Variants in WASF3 observed in about 807,000 individuals in gnomAD.
WASF3 encodes WASP family member 3, also known as actin-binding protein WASF3.
A neutral mutation model predicts 46.6 loss-of-function variants in WASF3; 11 were observed. That is an observed-to-expected ratio of 0.24 (90% CI 0.15 to 0.39). The LOEUF (loss-of-function observed/expected upper bound fraction) is 0.39. Ranked by LOEUF, WASF3 falls within the 10% of genes least tolerant of loss-of-function variation. WASF3 has a pLI of 1.00. For synonymous variants in WASF3, 242 were observed against 259.7 expected (o/e 0.93, Z 0.65); for missense variants, 576 against 669.8 (o/e 0.86, Z 1.55).
intron 1 of WASF3, among the ~76,000 whole-genome samples, chr13:26,607,753 A>T (rs746199509): frequency 6.6e-6 from 1 of 151,928 alleles, no homozygotes; most frequent in Non-Finnish European, 1.5e-5. Flanking sequence ...CTCCTGCTTC[A>T]GCCTTCTGAG....
the WASF3 span, among the ~76,000 whole-genome samples, chr13:26,540,890 C>G: frequency 2.6e-5 from 4 of 152,080 alleles, no homozygotes; most frequent in African/African-American, 4.8e-5. Context: ...TGTGTTGGTG[C>G]TAAGTGGAAA....
intron 1 of WASF3, among the ~76,000 whole-genome samples, chr13:26,596,655 C>T (rs9512280): frequency 0.026 from 3,963 of 152,160 alleles, 57 homozygotes; most frequent in African/African-American, 0.039. Flanking sequence ...TAATGAGCTT[C>T]TTCGATCTGT....
At chr13:26,541,951 G>T in the WASF3 span, among the ~76,000 whole-genome samples, 4 of 152,054 alleles carry the variant, frequency 2.6e-5, no homozygotes, top group African/African-American at 4.8e-5. Flanking sequence ...CCAGGTGTTG[G>T]TGTACCTGTT....
At chr13:26,611,031 CTTTTTTT>C (rs71080282) in intron 1 of WASF3, among the ~76,000 whole-genome samples, 8 of 110,578 alleles carry the variant, frequency 7.2e-5, no homozygotes, top group Admixed American at 1.1e-4. Flanking sequence ...TTACTTACTC[CTTTTTTT>C]TTTTTTTTTT....
rs1029551801 is a variant in WASF3 at position 26,670,844 on chromosome 13, T to G, written c.423-1028T>G. ...TGATTTTCAGACATAGCGACTAGAA[T>G]AGCCCCATAGGCACCCAGGCCTTTG... On this transcript the variant is annotated intron_variant, in intron 5 of 9. Coordinates refer to ENST00000335327, the MANE Select transcript of WASF3 (RefSeq NM_006646.6). 2.0e-5 allele frequency among the ~76,000 whole-genome samples: 3 copies of G among 152,234 alleles called. No individual in the cohort carries two copies. The East Asian group carries it at 5.8e-4, about 29-fold the overall frequency.
upstream of WASF3, among the ~76,000 whole-genome samples, chr13:26,555,593 C>T (rs1321265078): frequency 1.3e-5 from 2 of 152,092 alleles, no homozygotes; most frequent in African/African-American, 4.8e-5. Flanking sequence ...TTGCCCTTTA[C>T]CCATCCCCCT....
intron 2 of WASF3, among the ~76,000 whole-genome samples, chr13:26,622,126 A>G (rs1442843220): frequency 2.0e-5 from 3 of 152,178 alleles, no homozygotes; most frequent in Non-Finnish European, 4.4e-5. Context: ...TCTGTGCCAC[A>G]TGTTTTAGTG....
At chr13:26,671,012 C>G (rs567035876) in intron 5 of WASF3, among the ~76,000 whole-genome samples, 12 of 152,284 alleles carry the variant, frequency 7.9e-5, no homozygotes, top group African/African-American at 2.6e-4. Flanking sequence ...TTTGCTTCCC[C>G]TGTGTTCCTT....
intron 1 of WASF3, among the ~76,000 whole-genome samples, chr13:26,589,363 T>G (rs1389163010): frequency 2.0e-5 from 3 of 152,172 alleles, no homozygotes. Flanking sequence ...AAGTGGCCAC[T>G]GAACAGGGTG....
chr13:26,561,156 A>G (rs754267176), intron 1 of WASF3, among the ~76,000 whole-genome samples: 6 of 152,162 alleles, frequency 3.9e-5, no homozygotes, highest in Non-Finnish European at 7.4e-5. Context: ...TCTTGTGATT[A>G]CTGTTGTGTG....
rs1328421255 is a variant in WASF3 at position 26,687,983 on chromosome 13, C to T, written c.*2138C>T. The T allele has an allele frequency of 1.3e-5, 2 of 151,982 alleles. No homozygotes were observed. The highest frequency in any genetic ancestry group is 3.9e-4 in the East Asian group (2 of 5,182). 9.4% of individuals were successfully genotyped at this position (151,982 alleles called of 1,614,324 possible). A position where few individuals can be genotyped will look rare whatever the true frequency, so the allele number is the denominator to read the frequency against. On this transcript the variant is annotated 3_prime_UTR_variant, in exon 10 of 10. Coordinates refer to ENST00000335327, the MANE Select transcript of WASF3 (RefSeq NM_006646.6). ...TCTTATTACAATAAAATTAGTGGCA[C>T]TTTATTCATAAATATTCATGAGCCT...
intron 2 of WASF3, among the ~76,000 whole-genome samples, chr13:26,639,580 A>T (rs1041140337): frequency 6.6e-6 from 1 of 152,308 alleles, no homozygotes; most frequent in South Asian, 2.1e-4. Context: ...AGAGACCCCT[A>T]CAGTTTGCTT....
chr13:26,564,418 C>G (rs1349324161), intron 1 of WASF3, among the ~76,000 whole-genome samples: 4 of 152,238 alleles, frequency 2.6e-5, no homozygotes, highest in African/African-American at 9.6e-5. Context: ...TGGCTGTCCT[C>G]TCACAGCCTT....
the WASF3 span, among the ~76,000 whole-genome samples, chr13:26,540,639 G>A: frequency 4.2e-4 from 64 of 152,252 alleles, 1 homozygote; most frequent in African/African-American, 1.4e-3. Context: ...TGCCCCTCCC[G>A]CCCCATCTGG....
chr13:26,650,298 A>C (rs1458525682), intron 3 of WASF3, among the ~76,000 whole-genome samples: 1 of 152,144 alleles, frequency 6.6e-6, no homozygotes, highest in Non-Finnish European at 1.5e-5. Flanking sequence ...ATAGGACTGT[A>C]TAACACTCCC....
At chr13:26,588,963 A>T (rs66647623) in intron 1 of WASF3, among the ~76,000 whole-genome samples, 4 of 148,672 alleles carry the variant, frequency 2.7e-5, no homozygotes, top group Non-Finnish European at 4.5e-5. Flanking sequence ...ACACCCAGCT[A>T]TTTTTTTTTT....
intron 1 of WASF3, among the ~76,000 whole-genome samples, chr13:26,576,689 A>G (rs1593375203): frequency 6.6e-6 from 1 of 152,236 alleles, no homozygotes; most frequent in African/African-American, 2.4e-5. Context: ...TTCATTTTTC[A>G]TAGTTTGTTG....
intron 3 of WASF3, among the ~76,000 whole-genome samples, chr13:26,659,086 A>G (rs961142775): frequency 1.3e-5 from 2 of 152,250 alleles, no homozygotes; most frequent in Non-Finnish European, 2.9e-5. Context: ...GATTAGTGCT[A>G]GTCAGGAAAA....
chr13:26,551,407 T>C, the WASF3 span, among the ~76,000 whole-genome samples: 1 of 152,222 alleles, frequency 6.6e-6, no homozygotes, highest in Non-Finnish European at 1.5e-5. Flanking sequence ...TGTCTTTAAG[T>C]GCTATTTAGA....
Sources: allele counts gnomAD v4.1 joint callset (sites outside exome capture counted in the v4.1 genomes callset), GRCh38; gene constraint gnomAD v4.1.1; transcripts MANE v1.5; gene names NCBI Gene and HGNC (gene_info 2026-07-23, HGNC 2026-07-21).